The following ZFHX3 variants were observed in gnomAD, a reference collection of about 807,000 sequenced individuals.
ZFHX3 encodes zinc finger homeobox 3, also known as zinc finger homeobox protein 3.
Under a neutral mutation model 279.1 loss-of-function variants are expected in ZFHX3, and 42 were observed. The observed-to-expected ratio is 0.15, with a 90% CI of 0.12 to 0.19. ZFHX3 has a LOEUF of 0.19. Among genes scored for constraint, ZFHX3 ranks in the 10% least tolerant of loss-of-function variants. The pLI, the probability that ZFHX3 is intolerant of heterozygous loss-of-function variation, is 1.00. For missense variants in ZFHX3, 4,981 were observed against 4,754.0 expected (o/e 1.05, Z -1.40); for synonymous variants, 2,293 against 1,957.8 (o/e 1.17, Z -4.52).
At chr16:73,038,875 G>A (rs1296918833) in intron 1 of ZFHX3, among the ~76,000 whole-genome samples, 1 of 151,878 alleles carries the variant, frequency 6.6e-6, no homozygotes, top group African/African-American at 2.4e-5. Flanking sequence ...ACGGCTCAAT[G>A]CAGCCTCTAC....
chr16:73,377,834 T>C (rs1263428784), intron 3 of ZFHX3, among the ~76,000 whole-genome samples: 4 of 151,080 alleles, frequency 2.6e-5, no homozygotes, highest in Non-Finnish European at 5.9e-5. Flanking sequence ...GAGATTGAGA[T>C]CATCCTGGCT....
At chr16:73,793,117 T>C (rs1015544677) in intron 1 of ZFHX3, among the ~76,000 whole-genome samples, 1 of 152,196 alleles carries the variant, frequency 6.6e-6, no homozygotes, top group African/African-American at 2.4e-5. Context: ...TTCTTTGCCT[T>C]GGTTCTCAGC....
At chr16:73,560,289 C>T (rs917886861) in intron 2 of ZFHX3, among the ~76,000 whole-genome samples, 3 of 152,138 alleles carry the variant, frequency 2.0e-5, no homozygotes, top group Non-Finnish European at 2.9e-5. Context: ...TTCCTCCTTC[C>T]GCCGCTGACA....
chr16:72,844,928 A>C (rs740176), intron 4 of ZFHX3, among the ~76,000 whole-genome samples: 4,442 of 151,786 alleles, frequency 0.029, 464 homozygotes, highest in East Asian at 0.19. Context: ...CTGTAGTAAC[A>C]GTGCTCCCCT....
intron 1 of ZFHX3, among the ~76,000 whole-genome samples, chr16:73,692,225 T>G (rs774604860): frequency 1.3e-5 from 2 of 152,276 alleles, no homozygotes; most frequent in Non-Finnish European, 2.9e-5. Flanking sequence ...GTGGAAATGA[T>G]AGTGCGTAGG....
intron 2 of ZFHX3, among the ~76,000 whole-genome samples, chr16:73,577,409 T>C (rs1459884617): frequency 6.6e-6 from 1 of 152,194 alleles, no homozygotes; most frequent in Non-Finnish European, 1.5e-5. Context: ...ATCATATCTC[T>C]CTGTAGTATT....
chr16:72,986,306 G>C (rs1281129761), intron 1 of ZFHX3, among the ~76,000 whole-genome samples: 4 of 152,156 alleles, frequency 2.6e-5, no homozygotes, highest in African/African-American at 7.2e-5. Flanking sequence ...ATAATTATGG[G>C]GTTTTATCGA....
At chr16:73,244,591 T>C (rs1412370079) in intron 5 of ZFHX3, among the ~76,000 whole-genome samples, 1 of 151,994 alleles carries the variant, frequency 6.6e-6, no homozygotes, top group African/African-American at 2.4e-5. Flanking sequence ...AAAGTGGAAT[T>C]GAGGGAATTT....
At chr16:72,988,046 T>TC (rs1401760139) in intron 1 of ZFHX3, among the ~76,000 whole-genome samples, 7 of 152,118 alleles carry the variant, frequency 4.6e-5, no homozygotes, top group Admixed American at 2.0e-4. Context: ...CACATATCTG[T>TC]CCTCCCAACA....
At chr16:73,714,341 GACA>G (rs796936150) in intron 1 of ZFHX3, among the ~76,000 whole-genome samples, 14 of 152,272 alleles carry the variant, frequency 9.2e-5, no homozygotes, top group African/African-American at 2.6e-4. Flanking sequence ...GCAGATGTCA[GACA>G]ACATTTCCCT....
At chr16:73,358,626 CT>C (rs1479705277) in intron 3 of ZFHX3, among the ~76,000 whole-genome samples, 1 of 152,230 alleles carries the variant, frequency 6.6e-6, no homozygotes, top group Non-Finnish European at 1.5e-5. Context: ...CTTAGGGTAA[CT>C]TGTTAGGCAG....
intron 4 of ZFHX3, among the ~76,000 whole-genome samples, chr16:73,282,159 A>G (rs1597260429): frequency 6.6e-6 from 1 of 152,156 alleles, no homozygotes; most frequent in Non-Finnish European, 1.5e-5. Context: ...CCCCCACTCC[A>G]CAGGTGCATT....
chr16:73,851,099 G>C (rs564691588), intron 1 of ZFHX3, among the ~76,000 whole-genome samples: 1 of 152,274 alleles, frequency 6.6e-6, no homozygotes, highest in African/African-American at 2.4e-5. Context: ...GTTATAGTCT[G>C]TCTTACTGCT....
intron 3 of ZFHX3, among the ~76,000 whole-genome samples, chr16:73,426,335 AG>A (rs2017809855): frequency 6.6e-6 from 1 of 152,202 alleles, no homozygotes; most frequent in Non-Finnish European, 1.5e-5. Context: ...GGAGGTGACA[AG>A]GGTAGGGGGA....
intron 2 of ZFHX3, among the ~76,000 whole-genome samples, chr16:73,514,633 T>C (rs577900339): frequency 6.6e-6 from 1 of 152,174 alleles, no homozygotes; most frequent in Admixed American, 6.5e-5. Context: ...TTGAGATACG[T>C]GTTATTATTC....
chr16:73,477,259 G>T (rs2018780805), intron 2 of ZFHX3, among the ~76,000 whole-genome samples: 1 of 152,064 alleles, frequency 6.6e-6, no homozygotes, highest in Non-Finnish European at 1.5e-5. Context: ...TTTTCTGTGT[G>T]GTCATCTGCC....
At chr16:73,216,884 C>A (rs903368503) in intron 5 of ZFHX3, among the ~76,000 whole-genome samples, 1 of 152,272 alleles carries the variant, frequency 6.6e-6, no homozygotes, top group South Asian at 2.1e-4. Context: ...TCCTGAACAA[C>A]GGTCTGGGTT....
At chr16:73,357,187 G>A (rs1230101522) in intron 3 of ZFHX3, among the ~76,000 whole-genome samples, 2 of 151,900 alleles carry the variant, frequency 1.3e-5, no homozygotes, top group Non-Finnish European at 2.9e-5. Flanking sequence ...CAGACTAAGA[G>A]AATAGATCTT....
At chr16:73,130,572 G>A (rs1966661592) in intron 7 of ZFHX3, among the ~76,000 whole-genome samples, 2 of 152,220 alleles carry the variant, frequency 1.3e-5, no homozygotes, top group African/African-American at 4.8e-5. Flanking sequence ...TTTTTAAAGT[G>A]TGGAGTATAT....
Sources: gnomAD v4.1 joint callset for allele counts (sites outside exome capture counted in the v4.1 genomes callset) on GRCh38, gnomAD v4.1.1 for gene constraint, MANE v1.5 for transcripts, NCBI Gene and HGNC (gene_info 2026-07-23, HGNC 2026-07-21) for gene names.